Variants in PHIP observed in about 807,000 individuals in gnomAD.
PHIP encodes PHIP subunit of CUL4-Ring ligase complex.
In PHIP, 54 loss-of-function variants were observed where a neutral mutation model predicts 236.8. The observed-to-expected ratio is 0.23, with a 90% CI of 0.18 to 0.29. PHIP has a LOEUF of 0.29. Among genes scored for constraint, PHIP ranks in the 10% least tolerant of loss-of-function variants. The probability of loss-of-function intolerance (pLI) is 1.00; values close to 1 mark genes in which losing one functional copy is unlikely to be tolerated. For missense variants in PHIP, 1,370 were observed against 2,190.8 expected (o/e 0.63, Z 7.48); for synonymous variants, 756 against 718.9 (o/e 1.05, Z -0.83).
intron 9 of PHIP, among the ~76,000 whole-genome samples, chr6:79,019,746 A>C (rs1771018988): frequency 6.6e-6 from 1 of 152,146 alleles, no homozygotes; most frequent in Non-Finnish European, 1.5e-5. Flanking sequence ...CTCATTCAAA[A>C]TAGCAGTCTA....
Position 78,975,731 on chromosome 6 carries a change from C to T in PHIP, c.2889+2861G>A, listed in dbSNP as rs767986545. Among the ~76,000 whole-genome samples the T allele has an allele frequency of 1.2e-3, 183 of 152,072 alleles. 1 individual carries two copies. Among genetic ancestry groups the T allele is most frequent in the Non-Finnish European group, 2.1e-3 (143 of 68,022 alleles). On this transcript the variant is annotated intron_variant, in intron 24 of 39. Transcript: ENST00000275034. ...CACAAGCATTCCTATACACCAACAACGGACAAACAGAGAGCCAAATCATGA... is the reference window on the plus strand; with the variant it reads ...CACAAGCATTCCTATACACCAACAATGGACAAACAGAGAGCCAAATCATGA...
At chr6:79,016,172 A>G (rs1464530880) in intron 13 of PHIP, among the ~76,000 whole-genome samples, 4 of 151,944 alleles carry the variant, frequency 2.6e-5, no homozygotes, top group African/African-American at 9.7e-5. Flanking sequence ...AAATATTAAA[A>G]CCAAAATAAC....
At chr6:78,952,835 T>A (rs547798078) in intron 35 of PHIP, among the ~76,000 whole-genome samples, 22 of 151,718 alleles carry the variant, frequency 1.5e-4, no homozygotes, top group Non-Finnish European at 3.1e-4. Context: ...AAACTATCTA[T>A]CAAAGTTTAA....
chr6:79,014,507 G>C (rs1248357293), intron 15 of PHIP, among the ~76,000 whole-genome samples: 1 of 151,696 alleles, frequency 6.6e-6, no homozygotes, highest in Non-Finnish European at 1.5e-5. Context: ...ACAGTAAATA[G>C]AAACACTGCT....
intron 6 of PHIP, among the ~76,000 whole-genome samples, chr6:79,047,553 A>T (rs937835224): frequency 6.6e-6 from 1 of 152,206 alleles, no homozygotes; most frequent in Admixed American, 6.6e-5. Context: ...TTTAAGTCTG[A>T]CAGACCTGTG....
At chr6:79,059,021 T>C (rs1007035072) in intron 6 of PHIP, among the ~76,000 whole-genome samples, 1 of 152,076 alleles carries the variant, frequency 6.6e-6, no homozygotes, top group East Asian at 1.9e-4. Flanking sequence ...TTGTTTATTA[T>C]AGCAAGATTA....
rs116576718 is a variant in PHIP at position 79,051,336 on chromosome 6, G to T, written c.440-8333C>A. ...AATTTCAGTTAAAGTACAAAGAACT[G>T]GGTTGCAATATAAAAAGATAATCTT... On this transcript the variant is annotated intron_variant, in intron 6 of 39. Transcript: ENST00000275034. 3.9e-3 allele frequency among the ~76,000 whole-genome samples: 595 copies of T among 152,174 alleles called. 1 individual carries two copies. Among genetic ancestry groups the T allele is most frequent in the African/African-American group, 0.013 (537 of 41,534 alleles).
At chr6:78,992,814 C>T (rs1187321189) in intron 19 of PHIP, among the ~76,000 whole-genome samples, 4 of 152,230 alleles carry the variant, frequency 2.6e-5, no homozygotes, top group African/African-American at 7.2e-5. Context: ...TGAGACAGAA[C>T]AATATTAAAG....
At chr6:79,023,536 C>T (rs185737097) in intron 9 of PHIP, among the ~76,000 whole-genome samples, 1 of 152,144 alleles carries the variant, frequency 6.6e-6, no homozygotes, top group East Asian at 1.9e-4. Context: ...AAAAAAATTA[C>T]TAAGTTGTAT....
chr6:78,971,904 G>C (rs1320617967), intron 24 of PHIP, among the ~76,000 whole-genome samples: 2 of 152,158 alleles, frequency 1.3e-5, no homozygotes, highest in Non-Finnish European at 2.9e-5. Flanking sequence ...CTGATTGCTA[G>C]CACAGCAGTC....
chr6:79,035,427 G>C (rs1771881310), intron 7 of PHIP, among the ~76,000 whole-genome samples: 1 of 152,122 alleles, frequency 6.6e-6, no homozygotes, highest in South Asian at 2.1e-4. Context: ...CAGATAACTT[G>C]AGAAACCTTA....
In PHIP at chr6:78,970,083, T is replaced by G; in HGVS notation, c.3088A>C (p.Thr1030Pro). 1 of 1,613,656 alleles carries G rather than the reference T, an allele frequency of 6.2e-7. No homozygotes were observed. The highest frequency in any genetic ancestry group is 8.5e-7 in the Non-Finnish European group (1 of 1,179,668). ...CLKLAFLDPD[T>P]GKLTGGSFTM... ...AATGATCCGCCAGTCAGTTTACCAG[T>G]ATCAGGATCTAGAAAAGCAAGTTTA... Residue 1030 changes from threonine (T) to proline (P), a missense_variant, in exon 26 of 40, where the codon ACT becomes CCT. This residue lies in a region of PHIP where 238 missense variants were observed against 398.5 expected (regional missense o/e 0.60). Transcript: ENST00000275034.
At chr6:79,044,144 T>C (rs1772359396) in intron 6 of PHIP, among the ~76,000 whole-genome samples, 1 of 152,038 alleles carries the variant, frequency 6.6e-6, no homozygotes, top group Non-Finnish European at 1.5e-5. Context: ...AGGAGATATA[T>C]AGCCTTTACA....
Position 78,937,802 on chromosome 6 carries a change from A to T in PHIP, c.*2891T>A, listed in dbSNP as rs1562106952. On this transcript the variant is annotated 3_prime_UTR_variant, in exon 40 of 40. Transcript: ENST00000275034. ...GGGCTGTGAGTCTCTGATTAGACTAAATATTTAAACTAATGCTCCACTGAA... is the reference window on the plus strand; with the variant it reads ...GGGCTGTGAGTCTCTGATTAGACTATATATTTAAACTAATGCTCCACTGAA... 6.6e-6 allele frequency: 1 copy of T among 151,764 alleles called. No individual in the cohort carries two copies. Among genetic ancestry groups the T allele is most frequent in the African/African-American group, 2.4e-5 (1 of 41,416 alleles). 9.4% of individuals were successfully genotyped at this position (151,764 alleles called of 1,614,324 possible). A position where few individuals can be genotyped will look rare whatever the true frequency, so the allele number is the denominator to read the frequency against.
rs2127731588 is a variant in PHIP, at chr6:79,001,835, T to C, written c.1879+64A>G. 5.9e-6 allele frequency: 6 copies of C among 1,018,462 alleles called. No individual in the cohort carries two copies. The East Asian group carries it at 1.4e-4, about 24-fold the overall frequency. The allele number at this position is 1,018,462 out of a possible 1,614,324, so 63.1% of individuals were successfully genotyped here. ...CAACTGCAAACAAAGTTTTACTCAA[T>C]TAGCAATTTTAACAGTTCGGTGGGA... On this transcript the variant is annotated intron_variant, in intron 17 of 39. Transcript: ENST00000275034.
chr6:78,965,471 G>T (rs1204919898), intron 29 of PHIP, among the ~76,000 whole-genome samples: 2 of 152,156 alleles, frequency 1.3e-5, no homozygotes, highest in Non-Finnish European at 2.9e-5. Flanking sequence ...ACAATTTCAT[G>T]TTTTGCTGTA....
rs138671284 is a variant in PHIP, at chr6:79,038,704, A to G, written c.600+4139T>C. On this transcript the variant is annotated intron_variant, in intron 7 of 39. Coordinates refer to ENST00000275034, the MANE Select transcript of PHIP (RefSeq NM_017934.7). ...TGAAGTTTCAGCCTTCTTACATTAG[A>G]TACATACAAGATAATGTATTCCATT... Among the ~76,000 whole-genome samples the G allele has an allele frequency of 5.6e-3, 848 of 152,042 alleles. 6 individuals carry two copies. The highest frequency in any genetic ancestry group is 0.02 in the African/African-American group (822 of 41,468).
rs1348738733 is a variant in PHIP at position 79,078,009 on chromosome 6, C to T, written c.40+20G>A. 1.2e-6 allele frequency: 2 copies of T among 1,607,956 alleles called. No homozygotes were observed. Among genetic ancestry groups the T allele is most frequent in the Non-Finnish European group, 1.7e-6 (2 of 1,178,890 alleles). Reference sequence around the variant, plus strand: ...GCGGAATCGCCCGGTGCCAGCGGCCCCGGCAGCCCCCCGACTTACCCGATC... The same window carrying T: ...GCGGAATCGCCCGGTGCCAGCGGCCTCGGCAGCCCCCCGACTTACCCGATC... On this transcript the variant is annotated intron_variant, in intron 1 of 39. Coordinates refer to ENST00000275034, the MANE Select transcript of PHIP (RefSeq NM_017934.7).
intron 6 of PHIP, among the ~76,000 whole-genome samples, chr6:79,046,709 TCTA>T (rs1353076814): frequency 6.6e-6 from 1 of 152,030 alleles, no homozygotes; most frequent in Admixed American, 6.6e-5. Flanking sequence ...AAACCCCATC[TCTA>T]CTAACAATAC....
Sources: allele counts gnomAD v4.1 joint callset (sites outside exome capture counted in the v4.1 genomes callset), GRCh38; gene constraint gnomAD v4.1.1; regional missense constraint gnomAD v4.1.1; transcripts MANE v1.5; gene names NCBI Gene and HGNC (gene_info 2026-07-23, HGNC 2026-07-21).